Variants in COBLL1 observed in about 807,000 individuals in gnomAD.
COBLL1 encodes cordon-bleu protein-like 1.
A neutral mutation model predicts 94.8 loss-of-function variants in COBLL1; 50 were observed. The ratio of observed to expected loss-of-function variants is 0.53; its 90% CI spans 0.42 to 0.67. The LOEUF (loss-of-function observed/expected upper bound fraction) is 0.67. COBLL1 is among the 30% of genes least tolerant of loss of function. The pLI is 0.00. For synonymous variants in COBLL1, 448 were observed against 473.8 expected (o/e 0.95, Z 0.71); for missense variants, 1,362 against 1,348.7 (o/e 1.01, Z -0.15).
At chr2:164,726,446 A>T (rs2105510889) in intron 5 of COBLL1, among the ~76,000 whole-genome samples, 1 of 152,228 alleles carries the variant, frequency 6.6e-6, no homozygotes, top group Non-Finnish European at 1.5e-5. Flanking sequence ...GCAATTTTTA[A>T]TACAGTTTTT....
At chr2:164,816,072 G>A (rs963689027) in intron 2 of COBLL1, among the ~76,000 whole-genome samples, 9 of 151,944 alleles carry the variant, frequency 5.9e-5, no homozygotes, top group Non-Finnish European at 2.9e-5. Flanking sequence ...AAACATAGAA[G>A]ACAGAAGGTA....
intron 2 of COBLL1, among the ~76,000 whole-genome samples, chr2:164,820,214 T>C (rs922384781): frequency 6.6e-6 from 1 of 151,050 alleles, no homozygotes. Context: ...AATGCTGTCA[T>C]ATCCTTACCC....
Position 164,724,227 on chromosome 2 carries a change from C to T in COBLL1, c.662-1705G>A, listed in dbSNP as rs536360850. 5.9e-5 allele frequency: 9 copies of T among 152,232 alleles called. No individual in the cohort carries two copies. In the South Asian group the frequency reaches 1.7e-3, roughly 28 times the overall value. The allele number at this position is 152,232 out of a possible 1,614,324, so 9.4% of individuals were successfully genotyped here. A position where few individuals can be genotyped will look rare whatever the true frequency, so the allele number is the denominator to read the frequency against. On this transcript the variant is annotated intron_variant, in intron 5 of 13. Coordinates refer to ENST00000652658, the MANE Select transcript of COBLL1 (RefSeq NM_001365672.2). ...AAATCTTAATTAACTAAGATGTAGA[C>T]AAAGATCATTGATGGCTAACATCAG...
intron 2 of COBLL1, among the ~76,000 whole-genome samples, chr2:164,822,983 G>A (rs1246838344): frequency 6.6e-6 from 1 of 151,782 alleles, no homozygotes; most frequent in Non-Finnish European, 1.5e-5. Flanking sequence ...TGGCCGGGCT[G>A]GTGAAAAGTT....
intron 2 of COBLL1, chr2:164,837,498 T>G (rs1258954941): frequency 2.2e-6 from 1 of 452,122 alleles, no homozygotes; most frequent in Non-Finnish European, 4.5e-6. Flanking sequence ...ATTTTTGCTC[T>G]CTGCAAAAAA....
At chr2:164,670,307 A>C (rs1691224145) in intron 1 of COBLL1, among the ~76,000 whole-genome samples, 1 of 152,222 alleles carries the variant, frequency 6.6e-6, no homozygotes, top group South Asian at 2.1e-4. Context: ...CATAAATATT[A>C]TCAGTGGTTG....
intron 2 of COBLL1, among the ~76,000 whole-genome samples, chr2:164,795,049 G>A (rs574370442): frequency 2.0e-5 from 3 of 152,094 alleles, no homozygotes; most frequent in Non-Finnish European, 4.4e-5. Context: ...CACTTCCTTC[G>A]AGGACTCTTT....
In COBLL1 at chr2:164,674,271, G is replaced by T. The variant is rs1013257452; in HGVS notation, n.127-8370C>A. ...AGATAGGGTTTCACCGTGTTGGCCA[G>T]GATGGCCTCGATCTCTTGACCTCGT... On this transcript the variant is annotated intron_variant and non_coding_transcript_variant, in intron 1 of 2. Coordinates refer to the COBLL1 transcript ENST00000495084. 8.5e-5 allele frequency among the ~76,000 whole-genome samples: 13 copies of T among 152,280 alleles called. No homozygotes were observed. The South Asian group carries it at 1.2e-3, about 15-fold the overall frequency.
chr2:164,726,671 T>C (rs1310685354), intron 5 of COBLL1, among the ~76,000 whole-genome samples: 1 of 152,114 alleles, frequency 6.6e-6, no homozygotes, highest in Non-Finnish European at 1.5e-5. Context: ...ATAAGCATTT[T>C]CCATCTTATT....
chr2:164,661,639 A>T (rs1428116739), intron 2 of COBLL1, among the ~76,000 whole-genome samples: 2 of 152,126 alleles, frequency 1.3e-5, no homozygotes, highest in Non-Finnish European at 2.9e-5. Flanking sequence ...GTGTGTATTA[A>T]TGTAGATGTC....
chr2:164,810,620 T>C (rs1009018342), intron 2 of COBLL1, among the ~76,000 whole-genome samples: 6 of 151,714 alleles, frequency 4.0e-5, no homozygotes, highest in Admixed American at 1.3e-4. Flanking sequence ...TGAACATATT[T>C]TAGTAATTTA....
chr2:164,724,994 T>A (rs1685642021), intron 5 of COBLL1: 1 of 151,456 alleles, frequency 6.6e-6, no homozygotes, highest in African/African-American at 2.4e-5. Context: ...GGTTAAAGTT[T>A]TTTTGCATGC....
intron 5 of COBLL1, among the ~76,000 whole-genome samples, chr2:164,726,536 C>T (rs971279882): frequency 6.6e-6 from 1 of 152,002 alleles, no homozygotes. Flanking sequence ...CATACCATAA[C>T]CCTACCACCC....
chr2:164,817,570 A>T (rs1574642916), intron 2 of COBLL1, among the ~76,000 whole-genome samples: 1 of 152,122 alleles, frequency 6.6e-6, no homozygotes, highest in Non-Finnish European at 1.5e-5. Flanking sequence ...TTTATGCATC[A>T]TTTAGAATAT....
At chr2:164,792,798 A>T (rs1164346145) in intron 2 of COBLL1, among the ~76,000 whole-genome samples, 1 of 152,120 alleles carries the variant, frequency 6.6e-6, no homozygotes, top group Non-Finnish European at 1.5e-5. Context: ...TTCCCCCTGG[A>T]GATGTTACTC....
chr2:164,674,589 A>G (rs973366630), intron 1 of COBLL1, among the ~76,000 whole-genome samples: 4 of 152,196 alleles, frequency 2.6e-5, no homozygotes, highest in South Asian at 2.1e-4. Context: ...ATTAACATCA[A>G]TGAAGCATTT....
chr2:164,710,580 T>C (rs1684843693), intron 7 of COBLL1, among the ~76,000 whole-genome samples: 1 of 151,626 alleles, frequency 6.6e-6, no homozygotes, highest in African/African-American at 2.4e-5. Context: ...TTTTTTTTTT[T>C]TGGAGACGGA....
chr2:164,732,835 C>T (rs1686088291), intron 3 of COBLL1, among the ~76,000 whole-genome samples: 1 of 152,186 alleles, frequency 6.6e-6, no homozygotes, highest in Admixed American at 6.5e-5. Flanking sequence ...GCAGGCGGAT[C>T]ATGACGTCAG....
At chr2:164,722,964 T>G (rs989886113) in intron 5 of COBLL1, 5 of 152,376 alleles carry the variant, frequency 3.3e-5, no homozygotes, top group African/African-American at 1.2e-4. Flanking sequence ...CTACAAAATG[T>G]GAGTCATTAT....
Sources: allele counts gnomAD v4.1 joint callset (sites outside exome capture counted in the v4.1 genomes callset), GRCh38; gene constraint gnomAD v4.1.1; transcripts MANE v1.5; gene names NCBI Gene and HGNC (gene_info 2026-07-23, HGNC 2026-07-21).